Variants in SORBS2 observed in about 807,000 individuals in gnomAD.
SORBS2 encodes the protein sorbin and SH3 domain-containing protein 2.
SORBS2 carries 46 observed loss-of-function variants against 97.7 expected under a neutral mutation model. The observed-to-expected ratio is 0.47, with a 90% confidence interval of 0.37 to 0.60. The LOEUF (loss-of-function observed/expected upper bound fraction) is 0.60, where lower values mean the gene tolerates loss of function less well. Among genes scored for constraint, SORBS2 ranks in the 20% least tolerant of loss-of-function variants. The pLI, the probability that SORBS2 is intolerant of heterozygous loss-of-function variation, is 0.00. For missense variants in SORBS2, 1,316 were observed against 1,282.3 expected, an observed-to-expected ratio of 1.03 and a Z score of -0.40; for synonymous variants, 476 against 473.4, an observed-to-expected ratio of 1.01 and a Z score of -0.07.
intron 2 of SORBS2, chr4:185,756,898 A>G: frequency 4.6e-6 from 5 of 1,075,962 alleles, no homozygotes; most frequent in Admixed American, 1.7e-5. Flanking sequence ...GCTGCTTATA[A>G]TTCCTGAATG....
intron 2 of SORBS2, among the ~76,000 whole-genome samples, chr4:185,745,322 C>T (rs1253061738): frequency 6.6e-6 from 1 of 152,252 alleles, no homozygotes. Context: ...ACTAGACCTC[C>T]CAGATTCTCC....
chr4:185,673,867 G>A (rs1024941365), intron 4 of SORBS2, among the ~76,000 whole-genome samples: 1 of 152,148 alleles, frequency 6.6e-6, no homozygotes, highest in Non-Finnish European at 1.5e-5. Context: ...CATTTGTGCG[G>A]TGAACCATCC....
chr4:185,635,848 TA>T (rs1402294999), intron 4 of SORBS2, among the ~76,000 whole-genome samples: 12 of 40,450 alleles, frequency 3.0e-4, no homozygotes, highest in Non-Finnish European at 3.9e-4. Context: ...CTTTTTGAAT[TA>T]TTTTATTTTA....
intron 13 of SORBS2, chr4:185,593,521 C>A: frequency 5.1e-6 from 1 of 197,908 alleles, no homozygotes; most frequent in Non-Finnish European, 1.0e-5. Flanking sequence ...TTACCGTCTC[C>A]CAGTGGGTGT....
chr4:185,606,174 TTCC>T lies in SORBS2; in HGVS notation c.2796+5603_2796+5605del. On this transcript the variant is annotated intron_variant, in intron 12 of 14. Coordinates refer to ENST00000418609, the Ensembl canonical transcript of SORBS2. This position sits in a 1 kb window ranked among gnomAD's most constrained non-coding sequence, Gnocchi z 4.3. ...ATAGGACAAATTTCTGGGCATCAAC[TTCC>T]TCTTCTCTAAAGTGGGGATGATAAT... 1 of 985,400 alleles carries T rather than the reference TTCC, an allele frequency of 1.0e-6. No individual in the cohort carries two copies. The highest frequency in any genetic ancestry group is 1.2e-6 in the Non-Finnish European group (1 of 829,882). 61.0% of individuals were successfully genotyped at this position (985,400 alleles called of 1,614,324 possible).
chr4:185,738,577 A>T (rs1432910251), intron 2 of SORBS2, among the ~76,000 whole-genome samples: 1 of 152,194 alleles, frequency 6.6e-6, no homozygotes, highest in African/African-American at 2.4e-5. Flanking sequence ...ATTTTTTCCC[A>T]TATCTGGTCA....
At chr4:185,945,807 G>A (rs1342049792) in intron 1 of SORBS2, among the ~76,000 whole-genome samples, 7 of 152,142 alleles carry the variant, frequency 4.6e-5, no homozygotes, top group Non-Finnish European at 4.4e-5. Context: ...CCATGTGCCC[G>A]GAAATGGAGG....
At chr4:185,925,600 T>C (rs776153932) in intron 1 of SORBS2, among the ~76,000 whole-genome samples, 26 of 152,306 alleles carry the variant, frequency 1.7e-4, no homozygotes, top group Non-Finnish European at 3.7e-4. Context: ...AAGATACATT[T>C]TGGAAATATA....
At chr4:185,897,584 C>T (rs941266434) in intron 1 of SORBS2, among the ~76,000 whole-genome samples, 3 of 152,134 alleles carry the variant, frequency 2.0e-5, no homozygotes, top group East Asian at 1.9e-4. Flanking sequence ...GATTTTTCAG[C>T]GAACCTTCAG....
At chr4:185,931,996 CTCTCTCTA>C (rs2099266705) in intron 1 of SORBS2, among the ~76,000 whole-genome samples, 1 of 151,616 alleles carries the variant, frequency 6.6e-6, no homozygotes, top group Non-Finnish European at 1.5e-5. Context: ...CTCTCTCTCT[CTCTCTCTA>C]TATATATATA....
Position 185,623,866 on chromosome 4 carries a change from G to A in SORBS2, c.1263C>T (p.Ile421=), listed in dbSNP as rs1449953786. The A allele has an allele frequency of 1.9e-6, 3 of 1,614,164 alleles. No homozygotes were observed. The highest frequency in any genetic ancestry group is 1.7e-6 in the Non-Finnish European group (2 of 1,180,026). ...AATTTGGCATGGATTTGGACTTCTG[G>A]ATCAGCTTTTCGAATTCGGAGATGC... Residue 421 remains isoleucine (I), a synonymous_variant, in exon 7 of 15, where the codon ATC becomes ATT. Coordinates refer to ENST00000418609, the Ensembl canonical transcript of SORBS2. This position sits in a 1 kb window ranked among gnomAD's most constrained non-coding sequence, Gnocchi z 6.4.
chr4:185,605,357 A>G lies in SORBS2; in HGVS notation c.2796+6423T>C, dbSNP rs545970175. Among the ~76,000 whole-genome samples the G allele has an allele frequency of 9.2e-5, 14 of 152,338 alleles. No homozygotes were observed. The South Asian group carries it at 2.5e-3, about 27-fold the overall frequency. On this transcript the variant is annotated intron_variant, in intron 12 of 14. Coordinates refer to ENST00000418609, the Ensembl canonical transcript of SORBS2. ...GAGTGCAGTGGCACAACTTCAGTTC[A>G]CTGCAACCTCCGCCTCCCGGTTTGA... is the stretch of plus-strand genomic sequence containing the variant.
chr4:185,665,557 C>CT (rs1449578066), intron 4 of SORBS2, among the ~76,000 whole-genome samples: 4 of 152,162 alleles, frequency 2.6e-5, no homozygotes, highest in Non-Finnish European at 5.9e-5. Context: ...AATGAAGTGA[C>CT]TTTTTCAGCC....
At chr4:185,946,024 T>C (rs922930508) in intron 1 of SORBS2, among the ~76,000 whole-genome samples, 1 of 152,212 alleles carries the variant, frequency 6.6e-6, no homozygotes, top group African/African-American at 2.4e-5. Context: ...CTGGACCTTC[T>C]TCTGAGAATA....
At chr4:185,867,159 G>A (rs940951538) in intron 1 of SORBS2, among the ~76,000 whole-genome samples, 30 of 152,068 alleles carry the variant, frequency 2.0e-4, no homozygotes, top group African/African-American at 6.5e-4. Flanking sequence ...TTATAGGCAT[G>A]CACCACCACA....
intron 2 of SORBS2, among the ~76,000 whole-genome samples, chr4:185,745,655 T>A (rs1264182196): frequency 2.0e-5 from 3 of 152,222 alleles, no homozygotes; most frequent in Admixed American, 6.5e-5. Context: ...TTGGAGAGAA[T>A]TTAAATTTAA....
At position 185,847,712 on chromosome 4, in the gene SORBS2, G is replaced by A. The variant is rs964748931; in HGVS notation, c.-337-72346C>T. Among the ~76,000 whole-genome samples, 5 of 152,256 alleles carry A rather than the reference G, an allele frequency of 3.3e-5. No individual in the cohort carries two copies. The South Asian group carries it at 1.0e-3, about 32-fold the overall frequency. On this transcript the variant is annotated intron_variant, in intron 1 of 20. Coordinates refer to the SORBS2 transcript ENST00000284776. Reference sequence around the variant, plus strand: ...GGAATGTGACAATTTAAACCCTGCAGACTGTTTAGCAATGAGTTATTCCAA... The same window carrying A: ...GGAATGTGACAATTTAAACCCTGCAAACTGTTTAGCAATGAGTTATTCCAA...
At position 185,782,812 on chromosome 4, in the gene SORBS2, A is replaced by AGG. The variant is rs1472019610; in HGVS notation, c.-337-7448_-337-7447dup. On this transcript the variant is annotated intron_variant, in intron 1 of 20. Transcript: ENST00000284776. ...TTTTGTGTGTCATACACTGTAGAGC[A>AGG]GGGGTCAAAGCCTGGGATAGGAGAG... is the stretch of plus-strand genomic sequence containing the variant. Among the ~76,000 whole-genome samples the AGG allele has an allele frequency of 3.3e-5, 5 of 152,364 alleles. No homozygotes were observed. The East Asian group carries it at 9.6e-4, about 29-fold the overall frequency.
intron 1 of SORBS2, among the ~76,000 whole-genome samples, chr4:185,850,166 C>T (rs2099216993): frequency 6.6e-6 from 1 of 152,136 alleles, no homozygotes; most frequent in Non-Finnish European, 1.5e-5. Flanking sequence ...TCTCATCCTG[C>T]CCCTCGGGCA....
Sources: allele counts gnomAD v4.1 joint callset (sites outside exome capture counted in the v4.1 genomes callset), GRCh38; gene constraint gnomAD v4.1.1; non-coding constraint Gnocchi (gnomAD v3.1); transcripts MANE v1.5; gene names NCBI Gene and HGNC (gene_info 2026-07-23, HGNC 2026-07-21).